TEKT1: variants seen among roughly 807,000 people sequenced by gnomAD.
TEKT1 encodes the protein tektin 1.
Under a neutral mutation model 34.8 loss-of-function variants are expected in TEKT1, and 32 were observed. That is an observed-to-expected ratio of 0.92 (90% CI 0.69 to 1.23). The LOEUF is 1.23. TEKT1 is among the 50% of genes most tolerant of loss of function. The pLI, the probability that TEKT1 is intolerant of heterozygous loss-of-function variation, is 0.00. For synonymous variants in TEKT1, 207 were observed against 199.8 expected (o/e 1.04, Z -0.30); for missense variants, 492 against 518.5 (o/e 0.95, Z 0.50).
chr17:6,801,006 G>A (rs1976764306), intron 6 of TEKT1, 63 bp from the exon 7 acceptor site: 1 of 1,463,652 alleles, frequency 6.8e-7, no homozygotes, highest in Non-Finnish European at 9.4e-7. Flanking sequence ...ACAGCTGACA[G>A]CAGATGGGTT....
chr17:6,821,293 C>T lies in TEKT1; in HGVS notation c.191-1935G>A, dbSNP rs547115690. Among the ~76,000 whole-genome samples the T allele has an allele frequency of 3.9e-3, 600 of 152,262 alleles. 3 individuals are homozygous for T. The highest frequency in any genetic ancestry group is 0.013 in the African/African-American group (552 of 41,546). On this transcript the variant is annotated intron_variant, in intron 2 of 7. Coordinates refer to ENST00000338694, the MANE Select transcript of TEKT1 (RefSeq NM_053285.2). The stretch of plus-strand genomic sequence containing the variant: ...ATAATTGGATCATTGAGGCAGTTTC[C>T]CCCATGCTGCTCTCCTGATAGTGAG...
At chr17:6,829,441 A>G (rs1462632395) in intron 2 of TEKT1, among the ~76,000 whole-genome samples, 1 of 150,878 alleles carries the variant, frequency 6.6e-6, no homozygotes, top group Non-Finnish European at 1.5e-5. Context: ...CTTCCCATAT[A>G]CTTTCCTTTT....
chr17:6,816,045 C>A (rs547341786), intron 3 of TEKT1, 83 bp from the exon 4 acceptor site: 1 of 1,560,020 alleles, frequency 6.4e-7, no homozygotes, highest in South Asian at 1.2e-5. Flanking sequence ...ACACTCAGAA[C>A]TATCTGCACG....
At position 6,799,946 on chromosome 17, in the gene TEKT1, G is replaced by A. The variant is rs994971177; in HGVS notation, c.*81C>T. On this transcript the variant is annotated 3_prime_UTR_variant, in exon 8 of 8. Transcript: ENST00000338694. ...TTGCAGCAGGCTGGCTAGAGGCCCC[G>A]CCAGCCTGAAATGAGAGCTCTGTAC... 3.7e-5 allele frequency: 52 copies of A among 1,404,008 alleles called. No homozygotes were observed. The Middle Eastern group carries it at 7.9e-4, about 21-fold the overall frequency. The allele number at this position is 1,404,008 out of a possible 1,614,324, so 87.0% of individuals were successfully genotyped here. A position where few individuals can be genotyped will look rare whatever the true frequency, so the allele number is the denominator to read the frequency against.
chr17:6,827,628 T>C (rs989257885), intron 2 of TEKT1, among the ~76,000 whole-genome samples: 2 of 152,158 alleles, frequency 1.3e-5, no homozygotes, highest in African/African-American at 4.8e-5. Flanking sequence ...AATTTCACCA[T>C]AAAACCTGCT....
rs142125737 is a variant in TEKT1, at chr17:6,815,270, A to G, written c.522T>C (p.Asp174=). The G allele has an allele frequency of 8.5e-5, 138 of 1,614,218 alleles. No homozygotes were observed. In the African/African-American group the frequency reaches 1.7e-3, roughly 20 times the overall value. The change falls in exon 5 of 8, where the codon GAT becomes GAC. Residue 174 remains aspartate (D), a synonymous_variant. Transcript: ENST00000338694. ...NRSAKYNLEK[D]LKDKFVALTI... ...TCAGGGCCACAAACTTGTCCTTCAA[A>G]TCCTTCTCAAGATTGTACTTGGCAG...
intron 2 of TEKT1, among the ~76,000 whole-genome samples, chr17:6,823,977 C>A (rs2151590986): frequency 6.6e-6 from 1 of 152,154 alleles, no homozygotes; most frequent in South Asian, 2.1e-4. Context: ...TGCCCACCAC[C>A]ATGCCTGGCT....
In TEKT1 at chr17:6,815,924, A is replaced by G. The variant is rs141047980; in HGVS notation, c.395T>C (p.Val132Ala). Residue 132 changes from valine (V) to alanine (A), a missense_variant, in exon 4 of 8, where the codon GTG (valine) becomes GCG (alanine). Coordinates refer to ENST00000338694, the MANE Select transcript of TEKT1 (RefSeq NM_053285.2). ...RIGIDLVHDT[V>A]EHELIKEAEI... is the part of the protein sequence containing the mutation. ...AGCCTCCTTTATCAGCTCATGCTCCACTGTGTCGTGCACCAGGTCAATGCC... is the reference window on the plus strand; with the variant it reads ...AGCCTCCTTTATCAGCTCATGCTCCGCTGTGTCGTGCACCAGGTCAATGCC... 8.7e-6 allele frequency: 14 copies of G among 1,614,128 alleles called. No individual in the cohort carries two copies. The highest frequency in any genetic ancestry group is 2.2e-5 in the East Asian group (1 of 44,864).
At chr17:6,824,176 C>A (rs1196797566) in intron 2 of TEKT1, among the ~76,000 whole-genome samples, 2 of 152,120 alleles carry the variant, frequency 1.3e-5, no homozygotes, top group Non-Finnish European at 1.5e-5. Flanking sequence ...ATTCTTCCAC[C>A]TGAACTTATG....
chr17:6,800,012 G>A lies in TEKT1; in HGVS notation c.*15C>T. The A allele has an allele frequency of 6.3e-7, 1 of 1,598,102 alleles. No homozygotes were observed. On this transcript the variant is annotated 3_prime_UTR_variant, in exon 8 of 8. Coordinates refer to ENST00000338694, the MANE Select transcript of TEKT1 (RefSeq NM_053285.2). ...TTACAATGTGGTTTAATGAGAATTG[G>A]AACTAGCCCTACTATTAGCAGACAG...
At chr17:6,803,472 C>T (rs1236568805) in intron 6 of TEKT1, among the ~76,000 whole-genome samples, 1 of 152,042 alleles carries the variant, frequency 6.6e-6, no homozygotes, top group African/African-American at 2.4e-5. Context: ...AATTAGATCC[C>T]ATTTGTCAAT....
At chr17:6,812,432 C>T (rs1976941012) in intron 6 of TEKT1, among the ~76,000 whole-genome samples, 1 of 152,182 alleles carries the variant, frequency 6.6e-6, no homozygotes. Context: ...GCATCAACTC[C>T]TGTAACTTCA....
intron 6 of TEKT1, among the ~76,000 whole-genome samples, chr17:6,806,867 G>A (rs1976852070): frequency 6.6e-6 from 1 of 152,160 alleles, no homozygotes; most frequent in Non-Finnish European, 1.5e-5. Flanking sequence ...CCCTTTGTGG[G>A]TAACCCAACC....
intron 7 of TEKT1, 114 bp downstream of exon 7, chr17:6,800,633 G>T: frequency 7.7e-7 from 1 of 1,299,548 alleles, no homozygotes; most frequent in Non-Finnish European, 1.1e-6. Flanking sequence ...CATTCCTCAA[G>T]CATTCCAGAG....
intron 7 of TEKT1, 22 bp from the exon 8 acceptor site, chr17:6,800,256 A>G: frequency 6.2e-7 from 1 of 1,607,528 alleles, no homozygotes; most frequent in Middle Eastern, 1.7e-4. Flanking sequence ...GGAAGAAGAG[A>G]AGAGAATAAT....
At chr17:6,813,144 G>A in intron 5 of TEKT1, 91 bp from the exon 6 acceptor site, 1 of 1,023,034 alleles carries the variant, frequency 9.8e-7, no homozygotes, top group South Asian at 1.5e-5. Context: ...CCCCTCATAA[G>A]AACCACCTAG....
At chr17:6,806,542 G>T (rs1291478760) in intron 6 of TEKT1, among the ~76,000 whole-genome samples, 2 of 152,186 alleles carry the variant, frequency 1.3e-5, no homozygotes, top group Non-Finnish European at 2.9e-5. Context: ...CTCATGAGTT[G>T]ATGCAGTTTC....
In TEKT1 at chr17:6,800,086, G is replaced by T; in HGVS notation, c.1198C>A (p.Arg400=). The change falls in exon 8 of 8, where the codon CGG becomes AGG. Residue 400 remains arginine, a synonymous_variant. Transcript: ENST00000338694. Reference sequence around the variant, plus strand: ...CAGACCCCATGGTCTTCCCCATCCCGAAGTGGGATGGATTTCCTCATCTGC... The same window carrying T: ...CAGACCCCATGGTCTTCCCCATCCCTAAGTGGGATGGATTTCCTCATCTGC... ...CMQMRKSIPL[R]DGEDHGVWAG... The T allele has an allele frequency of 6.2e-7, 1 of 1,613,422 alleles. No homozygotes were observed. The highest frequency in any genetic ancestry group is 8.5e-7 in the Non-Finnish European group (1 of 1,179,996).
At chr17:6,801,341 G>C (rs979955133) in intron 6 of TEKT1, among the ~76,000 whole-genome samples, 2 of 152,204 alleles carry the variant, frequency 1.3e-5, no homozygotes, top group Admixed American at 1.3e-4. Flanking sequence ...CTGTCCTCTG[G>C]AAGCCTGAGG....
Sources: allele counts gnomAD v4.1 joint callset (sites outside exome capture counted in the v4.1 genomes callset), GRCh38; gene constraint gnomAD v4.1.1; transcripts MANE v1.5; gene names NCBI Gene and HGNC (gene_info 2026-07-23, HGNC 2026-07-21).